The following CPA4 variants were observed in gnomAD, a reference collection of about 807,000 sequenced individuals.
The protein encoded by CPA4 is carboxypeptidase A3.
Under a neutral mutation model 54.7 loss-of-function variants are expected in CPA4, and 49 were observed. The ratio of observed to expected loss-of-function variants is 0.90; its 90% CI spans 0.71 to 1.14. CPA4 has a LOEUF of 1.14. Ranked by LOEUF, CPA4 falls within the 50% of genes most tolerant of loss-of-function variation. The probability of loss-of-function intolerance (pLI) is 0.00; values close to 1 mark genes in which losing one functional copy is unlikely to be tolerated. For missense variants in CPA4, 487 were observed against 525.1 expected (o/e 0.93, Z 0.71); for synonymous variants, 215 against 206.8 (o/e 1.04, Z -0.34).
Position 130,305,890 on chromosome 7 carries a change from C to A in CPA4, c.561C>A (p.Ser187=). Residue 187 remains serine, a synonymous_variant, in exon 6 of 11, where the codon TCC becomes TCA. Transcript: ENST00000222482. ...NAGIHSREWI[S]QATAIWTARK... ...GCATCCATTCCCGAGAGTGGATCTC[C>A]CAGGCCACTGCAATCTGGACGGCAA... 1 of 1,614,036 alleles carries A rather than the reference C, an allele frequency of 6.2e-7. No homozygotes were observed.
chr7:130,307,564 G>A (rs533177014), intron 7 of CPA4, among the ~76,000 whole-genome samples: 9 of 150,244 alleles, frequency 6.0e-5, no homozygotes, highest in Non-Finnish European at 1.0e-4. Context: ...CCCGGGAGGC[G>A]GAGCTTGCAG....
chr7:130,293,365 C>A, intron 1 of CPA4, 117 bp downstream of exon 1: 1 of 729,072 alleles, frequency 1.4e-6, no homozygotes, highest in African/African-American at 1.8e-5. Flanking sequence ...GCTCTTGTTC[C>A]AGCTTTGCCC....
chr7:130,322,730 G>T lies in CPA4; in HGVS notation c.*54G>T. Reference sequence around the variant, plus strand: ...TTGTACCCACACGTGCACGCACTGAGGCCATTGTTAAAGGAGCTCTTTCCT... The same window carrying T: ...TTGTACCCACACGTGCACGCACTGATGCCATTGTTAAAGGAGCTCTTTCCT... On this transcript the variant is annotated 3_prime_UTR_variant, in exon 11 of 11. Transcript: ENST00000222482. 6.5e-7 allele frequency: 1 copy of T among 1,539,532 alleles called. No individual in the cohort carries two copies.
rs201179642 is a variant in CPA4, at chr7:130,299,444, G to A, written c.285+40G>A. 3 of 1,603,686 alleles carry A rather than the reference G, an allele frequency of 1.9e-6. No individual in the cohort carries two copies. In the East Asian group the frequency reaches 6.7e-5, roughly 36 times the overall value. ...CCTCCTGCCTCCTGCTCTTGCATAGGACCAGGCAGCCAGTCCAGAGTAGAC... is the reference window on the plus strand; with the variant it reads ...CCTCCTGCCTCCTGCTCTTGCATAGAACCAGGCAGCCAGTCCAGAGTAGAC... On this transcript the variant is annotated intron_variant, in intron 3 of 10. Coordinates refer to ENST00000222482, the MANE Select transcript of CPA4 (RefSeq NM_016352.4).
intron 1 of CPA4, among the ~76,000 whole-genome samples, chr7:130,294,351 A>T (rs899878697): frequency 2.0e-5 from 3 of 152,284 alleles, no homozygotes; most frequent in East Asian, 1.9e-4. Flanking sequence ...TTTTTGAGGT[A>T]ATTACTTATA....
At chr7:130,312,202 G>A in intron 10 of CPA4, 80 bp downstream of exon 10, 1 of 1,003,566 alleles carries the variant, frequency 1.0e-6, no homozygotes. Context: ...AGGGCTGTAA[G>A]TTAGACTTAC....
At chr7:130,307,829 T>C (rs772673919) in intron 7 of CPA4, among the ~76,000 whole-genome samples, 20 of 152,156 alleles carry the variant, frequency 1.3e-4, no homozygotes, top group Non-Finnish European at 2.9e-4. Context: ...ACATTCTGAA[T>C]TTGGCTGATG....
chr7:130,300,012 C>T (rs1208188964), intron 3 of CPA4, among the ~76,000 whole-genome samples: 1 of 152,212 alleles, frequency 6.6e-6, no homozygotes, highest in Non-Finnish European at 1.5e-5. Flanking sequence ...CTGGCTCATG[C>T]TCTCTCCTTC....
intron 10 of CPA4, 71 bp from the exon 11 acceptor site, chr7:130,322,418 G>T: frequency 3.8e-6 from 5 of 1,313,494 alleles, no homozygotes; most frequent in Non-Finnish European, 5.4e-6. Flanking sequence ...GGCAGGCAGA[G>T]CTCTTGGCCC....
chr7:130,310,949 G>A lies in CPA4; in HGVS notation c.956G>A (p.Gly319Glu), dbSNP rs375886402. 7.4e-6 allele frequency: 12 copies of A among 1,613,998 alleles called. No individual in the cohort carries two copies. The highest frequency in any genetic ancestry group is 1.6e-4 in the Middle Eastern group (1 of 6,064). ...SYSQLLMYPY[G>E]YSVKKAPDAE... ...TCGCAGCTGCTGATGTATCCATATG[G>A]GTACTCAGTCAAAAAGGCCCCAGAT... Residue 319 changes from glycine to glutamate, a missense_variant, in exon 9 of 11, where the codon GGG becomes GAG. Coordinates refer to ENST00000222482, the MANE Select transcript of CPA4 (RefSeq NM_016352.4). The surrounding 1 kb of genome is among the most constrained non-coding windows in gnomAD (Gnocchi z 4.3).
rs147069795 is a variant in CPA4 at position 130,322,709 on chromosome 7, A to G, written c.*33A>G. ...CTCTGCTCTGTCTACATTTATTTGT[A>G]CCCACACGTGCACGCACTGAGGCCA... On this transcript the variant is annotated 3_prime_UTR_variant, in exon 11 of 11. Transcript: ENST00000222482. 3.1e-6 allele frequency: 5 copies of G among 1,592,486 alleles called. No individual in the cohort carries two copies. The highest frequency in any genetic ancestry group is 4.3e-6 in the Non-Finnish European group (5 of 1,167,982).
chr7:130,316,518 G>T (rs185706335), intron 10 of CPA4, among the ~76,000 whole-genome samples: 27 of 152,222 alleles, frequency 1.8e-4, no homozygotes, highest in Admixed American at 1.6e-3. Flanking sequence ...TGGAGGGAGG[G>T]TTTTTTGATG....
At chr7:130,303,805 T>G (rs10237089) in intron 4 of CPA4, among the ~76,000 whole-genome samples, 35,869 of 149,856 alleles carry the variant, frequency 0.24, 4,278 homozygotes, top group South Asian at 0.31. Context: ...TTTTTTTTTT[T>G]TTTGTTTCAT....
chr7:130,305,852 T>C lies in CPA4; in HGVS notation c.523T>C (p.Trp175Arg). The C allele has an allele frequency of 6.2e-7, 1 of 1,614,200 alleles. No homozygotes were observed. The highest frequency in any genetic ancestry group is 8.5e-7 in the Non-Finnish European group (1 of 1,180,032). ...TGKGVRRPAV[W>R]LNAGIHSREW... ...GAAAGGCGTGAGGCGGCCGGCCGTTTGGCTGAATGCAGGCATCCATTCCCG... is the reference window on the plus strand; with the variant it reads ...GAAAGGCGTGAGGCGGCCGGCCGTTCGGCTGAATGCAGGCATCCATTCCCG... The change falls in exon 6 of 11, where the codon TGG (tryptophan) becomes CGG (arginine). Residue 175 changes from tryptophan (W) to arginine (R), a missense_variant. Coordinates refer to ENST00000222482, the MANE Select transcript of CPA4 (RefSeq NM_016352.4).
chr7:130,300,751 T>C, intron 3 of CPA4, 65 bp from the exon 4 acceptor site: 1 of 1,115,550 alleles, frequency 9.0e-7, no homozygotes, highest in Non-Finnish European at 1.4e-6. Context: ...TGCAAAGATA[T>C]GGCAGAAAAA....
intron 10 of CPA4, among the ~76,000 whole-genome samples, chr7:130,313,193 GT>G (rs1232433862): frequency 6.6e-6 from 1 of 152,180 alleles, no homozygotes. Flanking sequence ...TTTTTGGGTA[GT>G]AGTCTGTGAG....
At chr7:130,319,643 ATG>A (rs1377914154) in intron 10 of CPA4, among the ~76,000 whole-genome samples, 1 of 152,214 alleles carries the variant, frequency 6.6e-6, no homozygotes, top group Non-Finnish European at 1.5e-5. Context: ...GAGGAGATGT[ATG>A]GACTGGGGAG....
intron 4 of CPA4, among the ~76,000 whole-genome samples, chr7:130,301,155 T>A (rs113008120): frequency 1.6e-4 from 25 of 152,192 alleles, no homozygotes; most frequent in African/African-American, 5.1e-4. Flanking sequence ...CTTAAGCAAC[T>A]CTTTCAGAAT....
At position 130,293,247 on chromosome 7, in the gene CPA4, G is replaced by T. The variant is rs976239260; in HGVS notation, c.67G>T (p.Gly23Trp). ...CATCTGTGGCCAAGAAAAATTTTTT[G>T]GGTAAGTTCCTTTTGGACTTATTAT... is the stretch of plus-strand genomic sequence containing the variant. ...SSICGQEKFF[G>W]DQVLRINVRN... is the part of the protein sequence containing the mutation. The change falls in exon 1 of 11, where the codon GGG becomes TGG. Residue 23 changes from glycine to tryptophan, a missense_variant and splice_region_variant. Gly to Trp is a radical substitution (Grantham distance 184). Transcript: ENST00000222482. 6.3e-7 allele frequency: 1 copy of T among 1,589,174 alleles called. No individual in the cohort carries two copies. Among genetic ancestry groups the T allele is most frequent in the Non-Finnish European group, 8.6e-7 (1 of 1,157,780 alleles).
Sources: gnomAD v4.1 joint callset for allele counts (sites outside exome capture counted in the v4.1 genomes callset) on GRCh38, gnomAD v4.1.1 for gene constraint, Gnocchi (gnomAD v3.1) non-coding constraint, MANE v1.5 for transcripts, NCBI Gene and HGNC (gene_info 2026-07-23, HGNC 2026-07-21) for gene names.